Variants in YAE1 observed in about 807,000 individuals in gnomAD.
YAE1 encodes YAE1 maturation factor of ABCE1.
A neutral mutation model predicts 23.0 loss-of-function variants in YAE1; 22 were observed. That is an observed-to-expected ratio of 0.96 (90% CI 0.68 to 1.37). The LOEUF (loss-of-function observed/expected upper bound fraction) is 1.37, where lower values mean the gene tolerates loss of function less well. Among genes scored for constraint, YAE1 ranks in the 40% most tolerant of loss-of-function variants. The pLI, the probability that YAE1 is intolerant of heterozygous loss-of-function variation, is 0.00. For missense variants in YAE1, 260 were observed against 262.1 expected (o/e 0.99, Z 0.06); for synonymous variants, 101 against 97.0 (o/e 1.04, Z -0.24).
At chr7:39,607,014 A>T (rs1791139489) in intron 2 of YAE1, among the ~76,000 whole-genome samples, 1 of 152,242 alleles carries the variant, frequency 6.6e-6, no homozygotes, top group Non-Finnish European at 1.5e-5. Context: ...ATCAACAATT[A>T]TGTGACATAT....
intron 2 of YAE1, among the ~76,000 whole-genome samples, chr7:39,580,943 A>T (rs1012622058): frequency 4.7e-4 from 71 of 152,216 alleles, no homozygotes; most frequent in African/African-American, 1.7e-3. Flanking sequence ...TGCAGCCTTC[A>T]ATCAGAAGCA....
At chr7:39,599,650 G>T (rs921779423) in intron 2 of YAE1, among the ~76,000 whole-genome samples, 7 of 151,894 alleles carry the variant, frequency 4.6e-5, no homozygotes, top group Non-Finnish European at 8.8e-5. Context: ...AACTCTCATA[G>T]TAAGTTAGTA....
chr7:39,606,113 T>C (rs1439358865), intron 2 of YAE1, among the ~76,000 whole-genome samples: 2 of 152,052 alleles, frequency 1.3e-5, no homozygotes, highest in Admixed American at 1.3e-4. Context: ...TGAAATCTCA[T>C]TATTACATTT....
downstream of YAE1, among the ~76,000 whole-genome samples, chr7:39,575,108 G>GA (rs1237382035): frequency 1.3e-5 from 2 of 152,198 alleles, no homozygotes; most frequent in African/African-American, 4.8e-5. Context: ...GAGCATAAAT[G>GA]AAAAATGGTA....
chr7:39,608,464 G>C (rs1791160641), intron 2 of YAE1, among the ~76,000 whole-genome samples: 1 of 152,044 alleles, frequency 6.6e-6, no homozygotes, highest in South Asian at 2.1e-4. Context: ...ATGATTTCCG[G>C]GAAAGAAGAA....
intron 2 of YAE1, among the ~76,000 whole-genome samples, chr7:39,581,699 G>A (rs11973440): frequency 0.02 from 3,042 of 151,636 alleles, 93 homozygotes; most frequent in African/African-American, 0.068. Context: ...TAGGGAGACC[G>A]CATCTCTACA....
chr7:39,589,686 C>A (rs913878095), intron 2 of YAE1, among the ~76,000 whole-genome samples: 1 of 152,152 alleles, frequency 6.6e-6, no homozygotes, highest in African/African-American at 2.4e-5. Flanking sequence ...AGCTTTTGTG[C>A]TTTCCGTAAT....
At chr7:39,577,051 C>T (rs988805909), downstream of YAE1, among the ~76,000 whole-genome samples, 1 of 152,072 alleles carries the variant, frequency 6.6e-6, no homozygotes, top group Non-Finnish European at 1.5e-5. Flanking sequence ...CCTGCCACCA[C>T]ACCCAGCTAA....
intron 2 of YAE1, among the ~76,000 whole-genome samples, chr7:39,592,120 T>C (rs556095964): frequency 6.6e-6 from 1 of 152,366 alleles, no homozygotes; most frequent in Admixed American, 6.5e-5. Context: ...TTTCAGCAAT[T>C]ATGAGTAAAG....
chr7:39,604,835 C>T (rs1791105634), intron 2 of YAE1, among the ~76,000 whole-genome samples: 2 of 151,994 alleles, frequency 1.3e-5, no homozygotes, highest in African/African-American at 4.8e-5. Flanking sequence ...GAATGTGTCA[C>T]AGAAATCATA....
intron 2 of YAE1, among the ~76,000 whole-genome samples, chr7:39,580,223 G>T (rs1260237221): frequency 6.6e-6 from 1 of 152,168 alleles, no homozygotes; most frequent in East Asian, 1.9e-4. Context: ...GGACTTCTTA[G>T]ACTTTCTATC....
chr7:39,590,247 T>C (rs1790883190), intron 2 of YAE1, among the ~76,000 whole-genome samples: 1 of 152,268 alleles, frequency 6.6e-6, no homozygotes, highest in South Asian at 2.1e-4. Flanking sequence ...AATGGTAATC[T>C]TTTTAATTAA....
At chr7:39,594,028 CTG>C (rs1208993045) in intron 2 of YAE1, among the ~76,000 whole-genome samples, 3 of 152,136 alleles carry the variant, frequency 2.0e-5, no homozygotes, top group Non-Finnish European at 4.4e-5. Context: ...TGGAGAAACT[CTG>C]AACTCTGTTA....
intron 2 of YAE1, among the ~76,000 whole-genome samples, chr7:39,585,068 TTTC>T (rs1790796363): frequency 6.6e-6 from 1 of 152,186 alleles, no homozygotes; most frequent in Admixed American, 6.5e-5. Flanking sequence ...CCACTTGCAA[TTTC>T]TTATGTGGAG....
chr7:39,571,597 G>A (rs1231532949), intron 2 of YAE1, among the ~76,000 whole-genome samples: 2 of 152,148 alleles, frequency 1.3e-5, no homozygotes, highest in South Asian at 2.1e-4. Flanking sequence ...TCAAGTTGAT[G>A]TTACATAACC....
chr7:39,594,116 C>A (rs374814792), intron 2 of YAE1, among the ~76,000 whole-genome samples: 18 of 152,322 alleles, frequency 1.2e-4, no homozygotes, highest in South Asian at 6.2e-4. Flanking sequence ...AACTCTACCC[C>A]CTCTATGTTG....
intron 2 of YAE1, among the ~76,000 whole-genome samples, chr7:39,596,994 C>T (rs535215979): frequency 1.3e-5 from 2 of 152,160 alleles, no homozygotes; most frequent in Non-Finnish European, 2.9e-5. Context: ...TTTGTGCTTG[C>T]AATTTAAATT....
At chr7:39,602,002 A>C (rs1185500782) in intron 2 of YAE1, among the ~76,000 whole-genome samples, 1 of 152,184 alleles carries the variant, frequency 6.6e-6, no homozygotes, top group Non-Finnish European at 1.5e-5. Flanking sequence ...GAATGGATGC[A>C]TGAAAAAAAA....
intron 2 of YAE1, among the ~76,000 whole-genome samples, chr7:39,585,056 G>A (rs1790796068): frequency 6.6e-6 from 1 of 152,106 alleles, no homozygotes; most frequent in Non-Finnish European, 1.5e-5. Flanking sequence ...TCTCCAGGTT[G>A]GCCACTTGCA....
Sources: allele counts gnomAD v4.1 joint callset (sites outside exome capture counted in the v4.1 genomes callset), GRCh38; gene constraint gnomAD v4.1.1; transcripts MANE v1.5; gene names NCBI Gene and HGNC (gene_info 2026-07-23, HGNC 2026-07-21).